The following SNX12 variants were observed in gnomAD, a reference collection of about 807,000 sequenced individuals.
SNX12 encodes the protein sorting nexin-12.
For synonymous variants in SNX12, 47 were observed against 56.0 expected (o/e 0.84, Z 0.71); for missense variants, 62 against 141.3 (o/e 0.44, Z 2.84).
intron 1 of SNX12, 30 bp downstream of exon 1, chrX:71,068,112 C>T (rs2092161202): frequency 1.7e-6 from 2 of 1,177,415 alleles, no homozygotes; most frequent in East Asian, 6.2e-5. Flanking sequence ...CCGGTCCTCC[C>T]TCAGCTGTCT....
rs2092122661 is a variant in SNX12, at chrX:71,059,268, T to C, written c.*1748A>G. 8.9e-6 allele frequency: 1 copy of C among 112,259 alleles called. No homozygotes were observed. Among genetic ancestry groups the C allele is most frequent in the African/African-American group, 3.2e-5 (1 of 30,926 alleles). 9.3% of individuals were successfully genotyped at this position (112,259 alleles called of 1,213,427 possible). On this transcript the variant is annotated 3_prime_UTR_variant, in exon 4 of 4. Transcript: ENST00000374274. The stretch of plus-strand genomic sequence containing the variant: ...AGGCTTGCTTCACAGTGGTTTAATA[T>C]GAACAGAGTTGAATATGACATTGTC...
chrX:71,062,326 G>A (rs1033916787), intron 2 of SNX12, among the ~76,000 whole-genome samples: 1 of 103,539 alleles, frequency 9.7e-6, no homozygotes, highest in Admixed American at 1.0e-4. Flanking sequence ...ACTAAGTGAA[G>A]TAATACTTTA....
chrX:71,064,181 TA>T (rs952653587), intron 1 of SNX12, among the ~76,000 whole-genome samples: 2 of 111,789 alleles, frequency 1.8e-5, no homozygotes, highest in Admixed American at 1.9e-4. Flanking sequence ...AAAGTGAATT[TA>T]AATTCCCTGT....
chrX:71,070,538 AAT>A (rs1487305703), upstream of SNX12, among the ~76,000 whole-genome samples: 3 of 111,730 alleles, frequency 2.7e-5, no homozygotes, highest in East Asian at 8.3e-4. Flanking sequence ...ATCTGTAAAA[AAT>A]GAGTTCAGTT....
chrX:71,061,057 C>T lies in SNX12; in HGVS notation c.448G>A (p.Ala150Thr), dbSNP rs1331751856. Residue 150 changes from alanine to threonine, a missense_variant, in exon 4 of 4, where the codon GCA becomes ACA. Coordinates refer to ENST00000374274, the MANE Select transcript of SNX12 (RefSeq NM_013346.4). ...CCCGGGACGTAGTTCCTGTCAATTG[C>T]CTCCTCTTGCAGGAACATGTGTAGG... is the stretch of plus-strand genomic sequence containing the variant. Reference protein sequence around the residue: ...RCLHMFLQEEAIDRNYVPGKV... With the variant: ...RCLHMFLQEETIDRNYVPGKV... 8.3e-7 allele frequency: 1 copy of T among 1,208,481 alleles called. No homozygotes were observed. The highest frequency in any genetic ancestry group is 1.7e-5 in the African/African-American group (1 of 57,199).
rs113806567 is a variant in SNX12 at position 71,060,390 on chromosome X, A to G, written c.*626T>C. The G allele has an allele frequency of 2.7e-5, 3 of 111,562 alleles. No individual in the cohort carries two copies. The highest frequency in any genetic ancestry group is 5.6e-5 in the Non-Finnish European group (3 of 53,243). 9.2% of individuals were successfully genotyped at this position (111,562 alleles called of 1,213,427 possible). On this transcript the variant is annotated 3_prime_UTR_variant, in exon 4 of 4. Coordinates refer to ENST00000374274, the MANE Select transcript of SNX12 (RefSeq NM_013346.4). Reference sequence around the variant, plus strand: ...TTCTTCTGACTCTGAAGCAGCCATAATGATGGGCCCAGAAAACCCACACAC... The same window carrying G: ...TTCTTCTGACTCTGAAGCAGCCATAGTGATGGGCCCAGAAAACCCACACAC...
Position 71,061,882 on chromosome X carries a change from A to G in SNX12, c.347T>C (p.Ile116Thr). 8.3e-7 allele frequency: 1 copy of G among 1,206,493 alleles called. No homozygotes were observed. The highest frequency in any genetic ancestry group is 1.1e-6 in the Non-Finnish European group (1 of 892,637). Residue 116 changes from isoleucine (I) to threonine (T), a missense_variant, in exon 3 of 4, where the codon ATC (isoleucine) becomes ACC (threonine). Transcript: ENST00000374274. ...GDEGIFEESF[I>T]EERRQGLEQF... ...CTCGAGGCCCTGCCTCCTTTCTTCG[A>G]TGAAAGACTCCTCAAAGATCCCTTC...
At chrX:71,072,243 G>A (rs1429363014), upstream of SNX12, among the ~76,000 whole-genome samples, 1 of 104,270 alleles carries the variant, frequency 9.6e-6, no homozygotes, top group African/African-American at 3.5e-5. Context: ...GGGCAACAGA[G>A]CAAGACTCCA....
At chrX:71,071,693 A>C (rs1269157376), upstream of SNX12, among the ~76,000 whole-genome samples, 5 of 70,799 alleles carry the variant, frequency 7.1e-5, no homozygotes, top group African/African-American at 2.9e-4. Context: ...ATTTATATAT[A>C]AATATATAAT....
intron 1 of SNX12, 45 bp downstream of exon 1, chrX:71,068,097 G>T: frequency 1.2e-6 from 1 of 812,340 alleles, no homozygotes. Flanking sequence ...TCCCGCTCGC[G>T]CCGCCCGGTC....
chrX:71,059,987 T>C lies in SNX12; in HGVS notation c.*1029A>G, dbSNP rs1432811065. The C allele has an allele frequency of 8.9e-6, 1 of 112,007 alleles. No individual in the cohort carries two copies. The highest frequency in any genetic ancestry group is 1.9e-5 in the Non-Finnish European group (1 of 53,199). 9.2% of individuals were successfully genotyped at this position (112,007 alleles called of 1,213,427 possible). ...CAAAAACTCTTGCCCCTGAGCCCCA[T>C]TCAACAACTCAAAGTGCTTAGGAGA... On this transcript the variant is annotated 3_prime_UTR_variant, in exon 4 of 4. Transcript: ENST00000374274.
At chrX:71,065,419 A>G (rs1184795041) in intron 1 of SNX12, among the ~76,000 whole-genome samples, 1 of 107,087 alleles carries the variant, frequency 9.3e-6, no homozygotes, top group Non-Finnish European at 1.9e-5. Context: ...CTGTAATCCC[A>G]GCACTTTGGG....
Position 71,068,316 on chromosome X carries a change from G to A in SNX12, c.-10C>T, listed in dbSNP as rs1006491172. 4.2e-6 allele frequency: 5 copies of A among 1,187,128 alleles called. No individual in the cohort carries two copies. The African/African-American group carries it at 7.1e-5, about 17-fold the overall frequency. The stretch of plus-strand genomic sequence containing the variant: ...CTGCCGTGTCCGACATCTTTCCGAA[G>A]GAGAGCCTGGGACCGGGGAAAGGGG... On this transcript the variant is annotated 5_prime_UTR_variant, in exon 1 of 4. Coordinates refer to ENST00000374274, the MANE Select transcript of SNX12 (RefSeq NM_013346.4).
upstream of SNX12, among the ~76,000 whole-genome samples, chrX:71,071,494 A>G (rs1414868938): frequency 4.9e-5 from 3 of 61,251 alleles, no homozygotes; most frequent in Non-Finnish European, 7.6e-5. Flanking sequence ...TATTATATAT[A>G]ATTATTATAT....
chrX:71,063,333 C>T (rs1334387653), intron 1 of SNX12, among the ~76,000 whole-genome samples: 5 of 109,945 alleles, frequency 4.5e-5, no homozygotes, highest in Non-Finnish European at 9.5e-5. Flanking sequence ...CCTGTCTCTA[C>T]TAAAAATACA....
intron 1 of SNX12, among the ~76,000 whole-genome samples, chrX:71,063,836 G>T (rs1374437761): frequency 9.0e-6 from 1 of 110,738 alleles, no homozygotes; most frequent in Non-Finnish European, 1.9e-5. Flanking sequence ...GGAGGTCAAG[G>T]CTATGGTGAA....
chrX:71,069,700 G>C (rs1023963200), upstream of SNX12, among the ~76,000 whole-genome samples: 3 of 111,794 alleles, frequency 2.7e-5, no homozygotes, highest in Admixed American at 9.5e-5. Context: ...CAGCACTTTG[G>C]GAGGCCGAGG....
chrX:71,072,457 T>C (rs1201505251), upstream of SNX12, among the ~76,000 whole-genome samples: 1 of 111,633 alleles, frequency 9.0e-6, no homozygotes, highest in East Asian at 2.8e-4. Context: ...CTAGATTAAA[T>C]AATTACTTAA....
chrX:71,067,900 G>A (rs991458192), intron 1 of SNX12, among the ~76,000 whole-genome samples: 4 of 110,196 alleles, frequency 3.6e-5, no homozygotes, highest in African/African-American at 1.3e-4. Flanking sequence ...ATCCAGCCAT[G>A]CTTCACTTCC....
Sources: gnomAD v4.1 joint callset for allele counts (sites outside exome capture counted in the v4.1 genomes callset) on GRCh38, gnomAD v4.1.1 for gene constraint, MANE v1.5 for transcripts, NCBI Gene and HGNC (gene_info 2026-07-23, HGNC 2026-07-21) for gene names.